LMNTD1: variants seen among roughly 807,000 people sequenced by gnomAD.
LMNTD1 encodes lamin tail domain-containing protein 1.
In LMNTD1, 35 loss-of-function variants were observed where a neutral mutation model predicts 50.9. The ratio of observed to expected loss-of-function variants is 0.69; its 90% CI spans 0.53 to 0.91. The LOEUF (loss-of-function observed/expected upper bound fraction) is 0.91. Among genes scored for constraint, LMNTD1 ranks in the 40% least tolerant of loss-of-function variants. The pLI, the probability that LMNTD1 is intolerant of heterozygous loss-of-function variation, is 0.00. For synonymous variants in LMNTD1, 153 were observed against 161.9 expected (o/e 0.94, Z 0.42); for missense variants, 470 against 475.5 (o/e 0.99, Z 0.11).
intron 4 of LMNTD1, among the ~76,000 whole-genome samples, chr12:25,544,882 T>G (rs1402534973): frequency 1.3e-5 from 2 of 151,798 alleles, no homozygotes; most frequent in African/African-American, 4.8e-5. Flanking sequence ...CATCCTTCCA[T>G]ATTTTGACTG....
intron 1 of LMNTD1, among the ~76,000 whole-genome samples, chr12:25,631,808 T>C (rs1946724846): frequency 6.6e-6 from 1 of 152,082 alleles, no homozygotes; most frequent in African/African-American, 2.4e-5. Context: ...AAATCCCTGA[T>C]TTACCTGAAA....
At chr12:25,492,577 A>T (rs1938922900) in intron 9 of LMNTD1, among the ~76,000 whole-genome samples, 1 of 152,254 alleles carries the variant, frequency 6.6e-6, no homozygotes, top group African/African-American at 2.4e-5. Context: ...GCTAGATGTC[A>T]TCACTGTATT....
At chr12:25,479,275 T>C (rs1234897293) in intron 9 of LMNTD1, among the ~76,000 whole-genome samples, 1 of 152,152 alleles carries the variant, frequency 6.6e-6, no homozygotes, top group Non-Finnish European at 1.5e-5. Flanking sequence ...GAACGTATTG[T>C]CGTGGGAATA....
At chr12:25,615,276 C>A (rs142980829) in intron 1 of LMNTD1, among the ~76,000 whole-genome samples, 1 of 152,122 alleles carries the variant, frequency 6.6e-6, no homozygotes, top group Non-Finnish European at 1.5e-5. Flanking sequence ...AACACATGAG[C>A]ACAATTCCTG....
intron 1 of LMNTD1, among the ~76,000 whole-genome samples, chr12:25,563,923 T>C (rs1312442153): frequency 1.3e-5 from 2 of 152,162 alleles, no homozygotes; most frequent in African/African-American, 4.8e-5. Flanking sequence ...TGAGGCTCCG[T>C]AGGCGTGGGA....
chr12:25,523,920 G>A (rs558369868), intron 6 of LMNTD1, among the ~76,000 whole-genome samples: 22 of 152,030 alleles, frequency 1.4e-4, no homozygotes, highest in African/African-American at 5.1e-4. Context: ...AAGAGCATGC[G>A]CAAAGGCCCT....
chr12:25,539,288 A>G (rs1004262968), intron 4 of LMNTD1, among the ~76,000 whole-genome samples: 6 of 151,584 alleles, frequency 4.0e-5, no homozygotes, highest in Admixed American at 1.3e-4. Context: ...TCAGCACCAC[A>G]CCACACCTAT....
chr12:25,478,996 G>T (rs761764776), intron 9 of LMNTD1, among the ~76,000 whole-genome samples: 1 of 151,996 alleles, frequency 6.6e-6, no homozygotes, highest in Non-Finnish European at 1.5e-5. Context: ...ACAGGGCATG[G>T]TAATACTAAG....
chr12:25,608,997 T>C (rs1946183240), intron 1 of LMNTD1, among the ~76,000 whole-genome samples: 2 of 152,240 alleles, frequency 1.3e-5, no homozygotes. Flanking sequence ...TAGTCCCATA[T>C]TTCTTGGAGG....
intron 1 of LMNTD1, among the ~76,000 whole-genome samples, chr12:25,596,564 C>T (rs1466302455): frequency 6.6e-6 from 1 of 151,894 alleles, no homozygotes; most frequent in Admixed American, 6.6e-5. Context: ...GCATATCCAG[C>T]AAAAATAATC....
intron 1 of LMNTD1, among the ~76,000 whole-genome samples, chr12:25,644,113 A>C (rs1469347676): frequency 6.6e-6 from 1 of 151,996 alleles, no homozygotes; most frequent in Non-Finnish European, 1.5e-5. Flanking sequence ...AAACAGGAGA[A>C]GTGCACATAG....
intron 4 of LMNTD1, among the ~76,000 whole-genome samples, chr12:25,530,633 G>A (rs1320499785): frequency 1.3e-5 from 2 of 152,078 alleles, no homozygotes; most frequent in African/African-American, 4.8e-5. Flanking sequence ...TATGCCAAAT[G>A]GTTTTAATTT....
chr12:25,588,446 T>G (rs1467583788), intron 1 of LMNTD1, among the ~76,000 whole-genome samples: 2 of 152,250 alleles, frequency 1.3e-5, no homozygotes, highest in Non-Finnish European at 2.9e-5. Context: ...AGCTATGAAA[T>G]CATGCTTTCA....
intron 9 of LMNTD1, among the ~76,000 whole-genome samples, chr12:25,499,243 T>TA (rs1793621591): frequency 6.6e-6 from 1 of 152,068 alleles, no homozygotes; most frequent in Non-Finnish European, 1.5e-5. Context: ...GGCTGTTTTT[T>TA]AAATTTTTTT....
upstream of LMNTD1, among the ~76,000 whole-genome samples, chr12:25,555,538 A>G (rs564061948): frequency 1.3e-5 from 2 of 152,354 alleles, no homozygotes; most frequent in East Asian, 3.9e-4. Context: ...ATGGTACTTA[A>G]TGATATTAAG....
At chr12:25,632,149 A>G (rs1178216564) in intron 1 of LMNTD1, among the ~76,000 whole-genome samples, 1 of 152,244 alleles carries the variant, frequency 6.6e-6, no homozygotes, top group Non-Finnish European at 1.5e-5. Flanking sequence ...GAAGTCTGGG[A>G]TTATGGTAAA....
At chr12:25,513,542 A>G (rs1940486548) in intron 8 of LMNTD1, among the ~76,000 whole-genome samples, 1 of 152,186 alleles carries the variant, frequency 6.6e-6, no homozygotes. Flanking sequence ...AGGCTGAGGC[A>G]CGAGAATCAC....
In LMNTD1 at chr12:25,546,609, T is replaced by C. The variant is rs113211819; in HGVS notation, c.311-55A>G. The C allele has an allele frequency of 8.1e-4, 913 of 1,128,034 alleles. 4 individuals carry two copies. The African/African-American group carries it at 0.013, about 16-fold the overall frequency. 69.9% of individuals were successfully genotyped at this position (1,128,034 alleles called of 1,614,324 possible). On this transcript the variant is annotated intron_variant, in intron 3 of 9. Coordinates refer to ENST00000458174, the MANE Select transcript of LMNTD1 (RefSeq NM_001145728.2). ...CAGGAAAGAAGTAAATAAAATGACA[T>C]TAAAAGGACCTAAAGCCATTATCTT... is the stretch of plus-strand genomic sequence containing the variant.
At chr12:25,624,557 A>T (rs1024088483) in intron 1 of LMNTD1, among the ~76,000 whole-genome samples, 9 of 145,114 alleles carry the variant, frequency 6.2e-5, no homozygotes, top group African/African-American at 2.2e-4. Flanking sequence ...CTTAGAAAAT[A>T]AAGTACTACT....
Sources: gnomAD v4.1 joint callset for allele counts (sites outside exome capture counted in the v4.1 genomes callset) on GRCh38, gnomAD v4.1.1 for gene constraint, MANE v1.5 for transcripts, NCBI Gene and HGNC (gene_info 2026-07-23, HGNC 2026-07-21) for gene names.